The following CLSTN2 variants were observed in gnomAD, a reference collection of about 807,000 sequenced individuals.
The protein encoded by CLSTN2 is calsyntenin-2.
In CLSTN2, 48 loss-of-function variants were observed where a neutral mutation model predicts 101.2. That is an observed-to-expected ratio of 0.47 (90% confidence interval 0.38 to 0.60). The LOEUF (loss-of-function observed/expected upper bound fraction) is 0.60. Ranked by LOEUF, CLSTN2 falls within the 20% of genes least tolerant of loss-of-function variation. The pLI is 0.00. For missense variants in CLSTN2, 1,160 were observed against 1,238.2 expected (o/e 0.94, Z 0.95); for synonymous variants, 481 against 463.6 (o/e 1.04, Z -0.48).
At chr3:140,298,032 G>C (rs537218503) in intron 2 of CLSTN2, among the ~76,000 whole-genome samples, 9 of 152,338 alleles carry the variant, frequency 5.9e-5, no homozygotes, top group Admixed American at 3.3e-4. Flanking sequence ...GTAAGTTAGG[G>C]ATCATAATTC....
At chr3:140,023,376 T>C (rs76620110) in intron 1 of CLSTN2, among the ~76,000 whole-genome samples, 1 of 152,244 alleles carries the variant, frequency 6.6e-6, no homozygotes, top group East Asian at 1.9e-4. Flanking sequence ...GCTTGTTATG[T>C]TTCTGCCTAA....
chr3:140,458,851 T>C (rs1257100078), intron 6 of CLSTN2, among the ~76,000 whole-genome samples: 1 of 152,232 alleles, frequency 6.6e-6, no homozygotes, highest in African/African-American at 2.4e-5. Context: ...TATTTGCTCA[T>C]AGTCACAAAG....
chr3:140,356,013 C>T (rs1029558170), intron 2 of CLSTN2, among the ~76,000 whole-genome samples: 1 of 152,208 alleles, frequency 6.6e-6, no homozygotes, highest in Non-Finnish European at 1.5e-5. Flanking sequence ...TCAGGCATCA[C>T]CACTTCCTTC....
At chr3:140,265,946 T>G (rs2086690277) in intron 2 of CLSTN2, among the ~76,000 whole-genome samples, 1 of 152,188 alleles carries the variant, frequency 6.6e-6, no homozygotes, top group Non-Finnish European at 1.5e-5. Flanking sequence ...GATCCCTCAC[T>G]GCATAGTTGT....
intron 2 of CLSTN2, among the ~76,000 whole-genome samples, chr3:140,310,227 G>A (rs562128073): frequency 2.0e-5 from 3 of 152,236 alleles, no homozygotes; most frequent in African/African-American, 7.2e-5. Flanking sequence ...AAACCTGACT[G>A]TCACTTTAAA....
At chr3:140,048,267 C>T (rs1024522535) in intron 1 of CLSTN2, among the ~76,000 whole-genome samples, 7 of 152,278 alleles carry the variant, frequency 4.6e-5, no homozygotes, top group East Asian at 1.9e-4. Flanking sequence ...AAATTATATA[C>T]CACAGTTGTG....
rs10545391 is a variant in CLSTN2, at chr3:140,333,682, C to CTGTGTGTG, written c.233-69921_233-69914dup. Among the ~76,000 whole-genome samples the CTGTGTGTG allele has an allele frequency of 5.3e-3, 781 of 147,650 alleles. 5 individuals carry two copies. Among genetic ancestry groups the CTGTGTGTG allele is most frequent in the African/African-American group, 0.016 (622 of 39,988 alleles). On this transcript the variant is annotated intron_variant, in intron 2 of 16. Transcript: ENST00000458420. The stretch of plus-strand genomic sequence containing the variant: ...GAAACTAACAGTATTAGAGTGGAGA[C>CTGTGTGTG]TGTGTGTGTGTGTGTGTGTGTGTGT...
chr3:140,194,618 G>A (rs7617224), intron 2 of CLSTN2, among the ~76,000 whole-genome samples: 2,650 of 152,136 alleles, frequency 0.017, 79 homozygotes, highest in African/African-American at 0.061. Context: ...TGAGACTCTG[G>A]GTCTTATTTA....
intron 9 of CLSTN2, among the ~76,000 whole-genome samples, chr3:140,534,567 G>A (rs1194985061): frequency 6.6e-6 from 1 of 152,186 alleles, no homozygotes; most frequent in Non-Finnish European, 1.5e-5. Context: ...AATCAATGAG[G>A]GCTCTTTTCC....
Position 140,569,447 on chromosome 3 carries a change from T to G in CLSTN2, c.*3194T>G, listed in dbSNP as rs1985450991. The G allele has an allele frequency of 6.6e-6, 1 of 152,200 alleles. No homozygotes were observed. Among genetic ancestry groups the G allele is most frequent in the Non-Finnish European group, 1.5e-5 (1 of 68,044 alleles). The allele number at this position is 152,200 out of a possible 1,614,324, so 9.4% of individuals were successfully genotyped here. The stretch of plus-strand genomic sequence containing the variant: ...GGCTACAACTCTCAGGTGATTCAGA[T>G]GACATGGAGGAGAAGTTGGAGGAGA... On this transcript the variant is annotated 3_prime_UTR_variant, in exon 17 of 17. Coordinates refer to ENST00000458420, the MANE Select transcript of CLSTN2 (RefSeq NM_022131.3).
intron 2 of CLSTN2, among the ~76,000 whole-genome samples, chr3:140,259,210 C>T (rs1320057509): frequency 2.7e-5 from 4 of 149,302 alleles, no homozygotes; most frequent in Non-Finnish European, 4.4e-5. Flanking sequence ...CGGTGGCTCA[C>T]GCTTGTAATC....
chr3:140,426,636 AG>A (rs2088567249), intron 5 of CLSTN2, among the ~76,000 whole-genome samples: 1 of 152,192 alleles, frequency 6.6e-6, no homozygotes. Context: ...GAAGTCTTTA[AG>A]GGCAGGGTCT....
intron 1 of CLSTN2, among the ~76,000 whole-genome samples, chr3:139,999,115 C>T (rs2006761133): frequency 6.6e-6 from 1 of 152,148 alleles, no homozygotes; most frequent in African/African-American, 2.4e-5. Flanking sequence ...CTTCAGGCAT[C>T]AGCCACTTGA....
chr3:140,347,438 G>A (rs2087560430), intron 2 of CLSTN2, among the ~76,000 whole-genome samples: 2 of 152,160 alleles, frequency 1.3e-5, no homozygotes, highest in Admixed American at 1.3e-4. Context: ...TTTCCAAAAG[G>A]CCTAAACCTG....
At chr3:140,311,825 C>T (rs2087171696) in intron 2 of CLSTN2, among the ~76,000 whole-genome samples, 1 of 152,120 alleles carries the variant, frequency 6.6e-6, no homozygotes, top group Admixed American at 6.5e-5. Context: ...AACCCCAGAT[C>T]CTGGGCTCCA....
At chr3:140,055,958 C>T (rs1005868449) in intron 1 of CLSTN2, among the ~76,000 whole-genome samples, 3 of 152,148 alleles carry the variant, frequency 2.0e-5, no homozygotes, top group Non-Finnish European at 4.4e-5. Flanking sequence ...CACAATGGCA[C>T]TCATCATTGA....
At chr3:140,283,082 T>A (rs2086863896) in intron 2 of CLSTN2, among the ~76,000 whole-genome samples, 1 of 152,144 alleles carries the variant, frequency 6.6e-6, no homozygotes, top group Non-Finnish European at 1.5e-5. Flanking sequence ...AGTTCCTATT[T>A]TCCAATTGTA....
At chr3:140,070,579 TAGAA>T (rs2008373578) in intron 1 of CLSTN2, among the ~76,000 whole-genome samples, 1 of 152,172 alleles carries the variant, frequency 6.6e-6, no homozygotes, top group African/African-American at 2.4e-5. Flanking sequence ...TGTGACTAAG[TAGAA>T]AGAGTATATT....
chr3:140,317,562 C>T, intron 2 of CLSTN2, among the ~76,000 whole-genome samples: 1 of 152,156 alleles, frequency 6.6e-6, no homozygotes, highest in East Asian at 1.9e-4. Flanking sequence ...CAAGATTCAC[C>T]AACCTCTCCA....
Sources: allele counts gnomAD v4.1 joint callset (sites outside exome capture counted in the v4.1 genomes callset), GRCh38; gene constraint gnomAD v4.1.1; transcripts MANE v1.5; gene names NCBI Gene and HGNC (gene_info 2026-07-23, HGNC 2026-07-21).